RGS8: variants seen among roughly 807,000 people sequenced by gnomAD.
RGS8 encodes regulator of G-protein signaling 8.
In RGS8, 8 loss-of-function variants were observed where a neutral mutation model predicts 21.7. That is an observed-to-expected ratio of 0.37 (90% CI 0.22 to 0.66). The LOEUF (loss-of-function observed/expected upper bound fraction) is 0.66, where lower values mean the gene tolerates loss of function less well. Ranked by LOEUF, RGS8 falls within the 30% of genes least tolerant of loss-of-function variation. The pLI is 0.59. For missense variants in RGS8, 157 were observed against 217.9 expected, an observed-to-expected ratio of 0.72 and a Z score of 1.76; for synonymous variants, 80 against 83.6, an observed-to-expected ratio of 0.96 and a Z score of 0.24.
chr1:182,669,587 G>A (rs773969192), intron 3 of RGS8, 37 bp downstream of exon 4: 1 of 1,614,200 alleles, frequency 6.2e-7, no homozygotes, highest in Non-Finnish European at 8.5e-7. Context: ...AAAGAGGAAA[G>A]GGTCAGGGGC....
rs1186231533 is a variant in RGS8, at chr1:182,684,045, G to T, written n.221+311C>A. 6.6e-6 allele frequency among the ~76,000 whole-genome samples: 1 copy of T among 152,246 alleles called. No individual in the cohort carries two copies. Among genetic ancestry groups the T allele is most frequent in the East Asian group, 1.9e-4 (1 of 5,198 alleles). On this transcript the variant is annotated intron_variant and non_coding_transcript_variant, in intron 1 of 4. Transcript: ENST00000515211. This position sits in a 1 kb window ranked among gnomAD's most constrained non-coding sequence, Gnocchi z 4.2. ...TGAGGGAAGAAACAGGATCACCTTT[G>T]AGGAGAAAGCAGGTGTTAGGGGACC...
rs1287980 is a variant in RGS8 at position 182,665,243 on chromosome 1, A to G, written c.193+726T>C. On this transcript the variant is annotated intron_variant, in intron 5 of 6. Transcript: ENST00000483095. The stretch of plus-strand genomic sequence containing the variant: ...CTGCCTTGCCCAGGTATTAAATGCC[A>G]CTAGTTTCAAAGCCCATTAATTTGA... Among the ~76,000 whole-genome samples, 225 of 152,308 alleles carry G rather than the reference A, an allele frequency of 1.5e-3. 1 individual carries two copies. The highest frequency in any genetic ancestry group is 5.0e-3 in the African/African-American group (207 of 41,572).
chr1:182,685,206 G>C (rs1664672871), upstream of RGS8, among the ~76,000 whole-genome samples: 1 of 152,200 alleles, frequency 6.6e-6, no homozygotes, highest in Admixed American at 6.5e-5. Flanking sequence ...TGCCCATCCT[G>C]TGGCCAGAGG....
upstream of RGS8, among the ~76,000 whole-genome samples, chr1:182,688,460 G>A (rs921842211): frequency 1.3e-5 from 2 of 152,182 alleles, no homozygotes; most frequent in African/African-American, 4.8e-5. Flanking sequence ...AGAAGAAAAA[G>A]AGGCGAAGTG....
At chr1:182,681,842 T>G (rs889539577) in intron 1 of RGS8, among the ~76,000 whole-genome samples, 2 of 152,236 alleles carry the variant, frequency 1.3e-5, no homozygotes, top group Non-Finnish European at 2.9e-5. Context: ...GGAATCAACC[T>G]TAAGCCACTC....
the RGS8 span, among the ~76,000 whole-genome samples, chr1:182,723,249 A>G: frequency 2.0e-5 from 3 of 152,292 alleles, no homozygotes; most frequent in East Asian, 1.9e-4. Flanking sequence ...GCTTAGCAGG[A>G]TGGTTCTGGC....
At chr1:182,706,503 G>T in the RGS8 span, among the ~76,000 whole-genome samples, 13 of 151,482 alleles carry the variant, frequency 8.6e-5, no homozygotes, top group Admixed American at 3.3e-4. Context: ...TCTCACTTTT[G>T]CTGCCCAGGC....
chr1:182,650,156 C>A (rs1380250211), intron 5 of RGS8, among the ~76,000 whole-genome samples: 1 of 149,362 alleles, frequency 6.7e-6, no homozygotes, highest in African/African-American at 2.6e-5. Flanking sequence ...GTGATCCACC[C>A]GCCTCGGCCT....
In RGS8 at chr1:182,657,049, G is replaced by A. The variant is rs534799760; in HGVS notation, c.194-8746C>T. Among the ~76,000 whole-genome samples, 8 of 152,342 alleles carry A rather than the reference G, an allele frequency of 5.3e-5. No individual in the cohort carries two copies. The South Asian group carries it at 1.7e-3, about 32-fold the overall frequency. On this transcript the variant is annotated intron_variant, in intron 5 of 6. Coordinates refer to ENST00000483095, the Ensembl canonical transcript of RGS8. ...GCCCCTCCTCTTGCCTGGAGCAGAT[G>A]GCAGCAGCGGGCTTCTGTGGACAGA...
chr1:182,670,791 G>A (rs1238321925), intron 2 of RGS8, among the ~76,000 whole-genome samples: 19 of 152,196 alleles, frequency 1.2e-4, no homozygotes, highest in Non-Finnish European at 7.3e-5. Context: ...GTTAGACTGT[G>A]TATGAAGGTC....
At chr1:182,744,303 A>G in the RGS8 span, among the ~76,000 whole-genome samples, 1 of 151,916 alleles carries the variant, frequency 6.6e-6, no homozygotes, top group African/African-American at 2.4e-5. Context: ...AAAAAAAAAA[A>G]TTGTGGAGAT....
Position 182,666,977 on chromosome 1 carries a change from C to A in RGS8, c.27-4G>T. 1 of 1,609,340 alleles carries A rather than the reference C, an allele frequency of 6.2e-7. No homozygotes were observed. Among genetic ancestry groups the A allele is most frequent in the South Asian group, 1.1e-5 (1 of 90,984 alleles). On this transcript the variant is annotated splice_region_variant and splice_polypyrimidine_tract_variant and intron_variant, in intron 3 of 6. Coordinates refer to ENST00000483095, the Ensembl canonical transcript of RGS8. ...TCGAGTCCTCATCCCTTTGTTCCTGCAACAAGCACAGGGGCAGAAGGACGG... is the reference window on the plus strand; with the variant it reads ...TCGAGTCCTCATCCCTTTGTTCCTGAAACAAGCACAGGGGCAGAAGGACGG...
the RGS8 span, among the ~76,000 whole-genome samples, chr1:182,750,519 C>A: frequency 1.3e-5 from 2 of 152,196 alleles, no homozygotes; most frequent in Non-Finnish European, 1.5e-5. Flanking sequence ...TTATACAATT[C>A]TGTCACAAAA....
At chr1:182,710,156 G>A in the RGS8 span, among the ~76,000 whole-genome samples, 3 of 152,166 alleles carry the variant, frequency 2.0e-5, no homozygotes, top group Non-Finnish European at 4.4e-5. Context: ...AATGAGGAAG[G>A]CCTCAAATGA....
At chr1:182,654,027 C>T (rs1663147627) in intron 5 of RGS8, among the ~76,000 whole-genome samples, 2 of 152,138 alleles carry the variant, frequency 1.3e-5, no homozygotes. Flanking sequence ...ATACACCGTG[C>T]TTTTTGCTCA....
upstream of RGS8, chr1:182,672,888 G>C (rs1664231500): frequency 6.2e-7 from 1 of 1,608,542 alleles, no homozygotes; most frequent in African/African-American, 1.3e-5. Context: ...CCCTAGTGTA[G>C]TGGTTCTCCA....
intron 1 of RGS8, among the ~76,000 whole-genome samples, chr1:182,683,627 CAAAAAAAAAA>C (rs397863359): frequency 1.6e-5 from 1 of 60,664 alleles, no homozygotes; most frequent in Non-Finnish European, 3.8e-5. Context: ...TCCCAGTGCT[CAAAAAAAAAA>C]AAAAAAAAAA....
chr1:182,664,543 G>T (rs1557892813), intron 5 of RGS8, among the ~76,000 whole-genome samples: 1 of 152,114 alleles, frequency 6.6e-6, no homozygotes, highest in Non-Finnish European at 1.5e-5. Flanking sequence ...GGCGTACATT[G>T]GTAGTGACAC....
the RGS8 span, among the ~76,000 whole-genome samples, chr1:182,719,050 T>C: frequency 6.6e-6 from 1 of 152,222 alleles, no homozygotes; most frequent in Non-Finnish European, 1.5e-5. Flanking sequence ...ACCTCCACAA[T>C]GACTGAAATC....
Sources: gnomAD v4.1 joint callset for allele counts (sites outside exome capture counted in the v4.1 genomes callset) on GRCh38, gnomAD v4.1.1 for gene constraint, Gnocchi (gnomAD v3.1) non-coding constraint, MANE v1.5 for transcripts, NCBI Gene and HGNC (gene_info 2026-07-23, HGNC 2026-07-21) for gene names.